Variants in ACSF2 observed in about 807,000 individuals in gnomAD.
ACSF2 encodes the protein medium-chain acyl-CoA ligase ACSF2, mitochondrial.
ACSF2 carries 52 observed loss-of-function variants against 79.3 expected under a neutral mutation model. The ratio of observed to expected loss-of-function variants is 0.66; its 90% CI spans 0.53 to 0.83. The LOEUF is 0.83. Ranked by LOEUF, ACSF2 falls within the 40% of genes least tolerant of loss-of-function variation. ACSF2 has a pLI of 0.00. For synonymous variants in ACSF2, 283 were observed against 312.6 expected, an observed-to-expected ratio of 0.91 and a Z score of 1.00; for missense variants, 661 against 803.3, an observed-to-expected ratio of 0.82 and a Z score of 2.14.
At position 50,464,222 on chromosome 17, in the gene ACSF2, C is replaced by T. The variant is rs1218815974; in HGVS notation, c.1143C>T (p.Val381=). 5 of 1,613,984 alleles carry T rather than the reference C, an allele frequency of 3.1e-6. No individual in the cohort carries two copies. In the Admixed American group the frequency reaches 8.3e-5, roughly 27 times the overall value. Residue 381 remains valine, a synonymous_variant, in exon 10 of 16, where the codon GTC becomes GTT. Coordinates refer to ENST00000300441, the MANE Select transcript of ACSF2 (RefSeq NM_025149.6). The part of the protein sequence containing the change: ...SYDISTMCGG[V]IAGSPAPPEL... ...TCAGCCCTCTCTCTGATTCAGGTGT[C>T]ATTGCTGGGTCCCCTGCACCTCCAG...
In ACSF2 at chr17:50,471,206, C is replaced by G. The variant is rs1488462886; in HGVS notation, c.1323+71C>G. 2 of 1,335,284 alleles carry G rather than the reference C, an allele frequency of 1.5e-6. No homozygotes were observed. The highest frequency in any genetic ancestry group is 2.9e-5 in the African/African-American group (2 of 69,050). 82.7% of individuals were successfully genotyped at this position (1,335,284 alleles called of 1,614,324 possible). A position where few individuals can be genotyped will look rare whatever the true frequency, so the allele number is the denominator to read the frequency against. ...GCTGGGGTGCACCCAGCTGGGACAT[C>G]GGTTGCTTTCAGTGAGAGAGTCAAA... On this transcript the variant is annotated intron_variant, in intron 11 of 15. Transcript: ENST00000300441. The surrounding 1 kb of genome is among the most constrained non-coding windows in gnomAD (Gnocchi z 4.1).
chr17:50,464,658 G>GA, intron 10 of ACSF2: 1 of 476,860 alleles, frequency 2.1e-6, no homozygotes, highest in Non-Finnish European at 4.1e-6. Context: ...GCAAGGGGTG[G>GA]GGCAAGGATC....
intron 10 of ACSF2, chr17:50,469,155 G>T: frequency 1.9e-6 from 1 of 519,100 alleles, no homozygotes; most frequent in Non-Finnish European, 2.5e-6. Context: ...CTTTCCCGGG[G>T]CTTTTCTGGG....
At chr17:50,452,294 T>C (rs1371210918) in intron 1 of ACSF2, among the ~76,000 whole-genome samples, 1 of 151,888 alleles carries the variant, frequency 6.6e-6, no homozygotes, top group African/African-American at 2.4e-5. Context: ...CATGTCGCAT[T>C]GAAAAAAAAA....
rs149944283 is a variant in ACSF2 at position 50,459,784 on chromosome 17, T to C, written c.129-893T>C. ...CCACCTGTGCACTGAAATGGATAGGTAGCCACATGTGAGAGGTGAAGAGTC... is the reference window on the plus strand; with the variant it reads ...CCACCTGTGCACTGAAATGGATAGGCAGCCACATGTGAGAGGTGAAGAGTC... On this transcript the variant is annotated intron_variant, in intron 1 of 15. Coordinates refer to ENST00000300441, the MANE Select transcript of ACSF2 (RefSeq NM_025149.6). Among the ~76,000 whole-genome samples, 839 of 152,166 alleles carry C rather than the reference T, an allele frequency of 5.5e-3. 5 individuals are homozygous for C. Among genetic ancestry groups the C allele is most frequent in the Non-Finnish European group, 8.2e-3 (558 of 67,992 alleles).
chr17:50,469,044 G>C lies in ACSF2; in HGVS notation c.1216-1984G>C, dbSNP rs1326965714. The stretch of plus-strand genomic sequence containing the variant: ...AGGGGGCGGGGCCGTTCCCCCAGCC[G>C]GCTACCGTGCATGAGGGGGTGGGAC... On this transcript the variant is annotated intron_variant, in intron 10 of 15. Transcript: ENST00000300441. 3 of 1,318,046 alleles carry C rather than the reference G, an allele frequency of 2.3e-6. No individual in the cohort carries two copies. The African/African-American group carries it at 4.7e-5, about 21-fold the overall frequency. 81.6% of individuals were successfully genotyped at this position (1,318,046 alleles called of 1,614,324 possible).
intron 1 of ACSF2, among the ~76,000 whole-genome samples, chr17:50,437,002 C>A (rs115030381): frequency 2.0e-5 from 3 of 152,130 alleles, no homozygotes; most frequent in Non-Finnish European, 4.4e-5. Flanking sequence ...CAGCATTGTC[C>A]TTCCTGCACA....
chr17:50,463,759 T>C lies in ACSF2; in HGVS notation c.1047-59T>C. 2.0e-6 allele frequency: 3 copies of C among 1,522,724 alleles called. No homozygotes were observed. The highest frequency in any genetic ancestry group is 2.7e-6 in the Non-Finnish European group (3 of 1,117,426). The allele number at this position is 1,522,724 out of a possible 1,614,324, so 94.3% of individuals were successfully genotyped here. ...TGCTGCAGTTTCATGGCGGGGTGGG[T>C]GAGAACAGGGAGTTCCCTTCCACTT... On this transcript the variant is annotated intron_variant, in intron 8 of 15. Coordinates refer to ENST00000300441, the MANE Select transcript of ACSF2 (RefSeq NM_025149.6). This position sits in a 1 kb window ranked among gnomAD's most constrained non-coding sequence, Gnocchi z 4.6.
intron 1 of ACSF2, among the ~76,000 whole-genome samples, chr17:50,445,921 C>A (rs1050339429): frequency 4.6e-5 from 7 of 152,156 alleles, no homozygotes; most frequent in Non-Finnish European, 7.4e-5. Flanking sequence ...TGCTCCTGAA[C>A]CTGTAGAACA....
intron 5 of ACSF2, 47 bp from the exon 6 acceptor site, chr17:50,462,373 T>C: frequency 1.9e-6 from 2 of 1,049,732 alleles, no homozygotes; most frequent in Non-Finnish European, 2.8e-6. Context: ...CTACCCACCC[T>C]GCCCCCTCCC....
At chr17:50,468,983 TC>T in intron 10 of ACSF2, 14 of 1,366,780 alleles carry the variant, frequency 1.0e-5, no homozygotes, top group Non-Finnish European at 1.3e-5. Context: ...CTTAACTCGC[TC>T]GCGCCCAGAG....
At position 50,466,089 on chromosome 17, in the gene ACSF2, T is replaced by C. The variant is rs8080033; in HGVS notation, c.1215+1795T>C. 3.2e-3 allele frequency among the ~76,000 whole-genome samples: 427 copies of C among 134,412 alleles called. 2 individuals are homozygous for C. The highest frequency in any genetic ancestry group is 0.011 in the African/African-American group (392 of 35,870). The allele number at this position is 134,412 out of a possible 152,430, so 88.2% of individuals were successfully genotyped here. On this transcript the variant is annotated intron_variant, in intron 10 of 15. Coordinates refer to ENST00000300441, the MANE Select transcript of ACSF2 (RefSeq NM_025149.6). Reference sequence around the variant, plus strand: ...TGTTATTTTCTTTTTTTTTTTTTTTTCCTTTTTTTTTTTTTGAGATGGAGT... The same window carrying C: ...TGTTATTTTCTTTTTTTTTTTTTTTCCCTTTTTTTTTTTTTGAGATGGAGT...
At chr17:50,428,461 CAG>C (rs1915210169) in intron 1 of ACSF2, among the ~76,000 whole-genome samples, 1 of 150,474 alleles carries the variant, frequency 6.6e-6, no homozygotes, top group African/African-American at 2.5e-5. Context: ...GCCTGGGTGA[CAG>C]AGGGAGACTC....
At chr17:50,468,320 C>T (rs775980214) in intron 10 of ACSF2, 4 of 1,614,144 alleles carry the variant, frequency 2.5e-6, no homozygotes. Context: ...CTGGAAGGCG[C>T]CTGCGCGCAG....
chr17:50,441,465 A>G lies in ACSF2; in HGVS notation c.128+15076A>G, dbSNP rs530035600. Among the ~76,000 whole-genome samples, 289 of 152,316 alleles carry G rather than the reference A, an allele frequency of 1.9e-3. 2 individuals carry two copies. Among genetic ancestry groups the G allele is most frequent in the African/African-American group, 6.5e-3 (272 of 41,568 alleles). ...GGTGAGATTACAGGCGTGAGCCACCATGCCTGGCCTGGCGGTCCTTTTTAA... is the reference window on the plus strand; with the variant it reads ...GGTGAGATTACAGGCGTGAGCCACCGTGCCTGGCCTGGCGGTCCTTTTTAA... On this transcript the variant is annotated intron_variant, in intron 1 of 15. Coordinates refer to ENST00000300441, the MANE Select transcript of ACSF2 (RefSeq NM_025149.6).
chr17:50,449,068 G>A (rs1195542009), intron 1 of ACSF2, among the ~76,000 whole-genome samples: 1 of 142,972 alleles, frequency 7.0e-6, no homozygotes, highest in Non-Finnish European at 1.5e-5. Flanking sequence ...CCAGGCTGGA[G>A]TGCAGTGGTG....
At chr17:50,457,150 G>C (rs569610745) in intron 1 of ACSF2, among the ~76,000 whole-genome samples, 3 of 152,174 alleles carry the variant, frequency 2.0e-5, no homozygotes, top group African/African-American at 7.2e-5. Context: ...CTAGGACTGC[G>C]TGTCCTCACT....
intron 1 of ACSF2, among the ~76,000 whole-genome samples, chr17:50,428,667 A>C (rs1297711391): frequency 5.0e-4 from 76 of 152,250 alleles, no homozygotes; most frequent in Non-Finnish European, 1.1e-3. Flanking sequence ...CTGTAATCCC[A>C]GCTACTTGGG....
At chr17:50,437,781 G>A (rs572847033) in intron 1 of ACSF2, among the ~76,000 whole-genome samples, 1 of 152,262 alleles carries the variant, frequency 6.6e-6, no homozygotes, top group Admixed American at 6.5e-5. Context: ...AGATCATCAA[G>A]CTCCTTGTAT....
Sources: allele counts gnomAD v4.1 joint callset (sites outside exome capture counted in the v4.1 genomes callset), GRCh38; gene constraint gnomAD v4.1.1; non-coding constraint Gnocchi (gnomAD v3.1); transcripts MANE v1.5; gene names NCBI Gene and HGNC (gene_info 2026-07-23, HGNC 2026-07-21).